TTLL11: variants seen among roughly 807,000 people sequenced by gnomAD.
The protein encoded by TTLL11 is tubulin polyglutamylase TTLL11.
In TTLL11, 42 loss-of-function variants were observed where a neutral mutation model predicts 51.7. The observed-to-expected ratio is 0.81, with a 90% CI of 0.64 to 1.05. TTLL11 has a LOEUF of 1.05. Among genes scored for constraint, TTLL11 ranks in the 50% least tolerant of loss-of-function variants. TTLL11 has a pLI of 0.00. For missense variants in TTLL11, 799 were observed against 940.4 expected (o/e 0.85, Z 1.97); for synonymous variants, 381 against 383.5 (o/e 0.99, Z 0.08).
At chr9:121,854,122 T>C (rs1837747879) in intron 8 of TTLL11, among the ~76,000 whole-genome samples, 1 of 152,166 alleles carries the variant, frequency 6.6e-6, no homozygotes, top group Non-Finnish European at 1.5e-5. Flanking sequence ...CTAACTTCCC[T>C]GAGGTTAGCT....
intron 4 of TTLL11, among the ~76,000 whole-genome samples, chr9:121,980,955 T>G (rs184867503): frequency 3.9e-5 from 6 of 152,364 alleles, no homozygotes; most frequent in Middle Eastern, 3.4e-3. Context: ...CTTTTCTTTC[T>G]GACTGCTTTT....
chr9:121,822,936 G>T lies in TTLL11; in HGVS notation c.1841-57C>A. 1 of 1,475,282 alleles carries T rather than the reference G, an allele frequency of 6.8e-7. No homozygotes were observed. Among genetic ancestry groups the T allele is most frequent in the Non-Finnish European group, 9.0e-7 (1 of 1,109,208 alleles). The allele number at this position is 1,475,282 out of a possible 1,614,324, so 91.4% of individuals were successfully genotyped here. A position where few individuals can be genotyped will look rare whatever the true frequency, so the allele number is the denominator to read the frequency against. On this transcript the variant is annotated intron_variant, in intron 8 of 8. Coordinates refer to ENST00000321582, the MANE Select transcript of TTLL11 (RefSeq NM_001139442.2). This position sits in a 1 kb window ranked among gnomAD's most constrained non-coding sequence, Gnocchi z 5.8. ...ACACAGCTGCCCTACGCTGCCCTGG[G>T]AAGGCCCACCTCCAGCCACAAGGAT...
intron 6 of TTLL11, among the ~76,000 whole-genome samples, chr9:121,961,501 G>A (rs187821525): frequency 2.2e-4 from 34 of 151,962 alleles, no homozygotes; most frequent in Middle Eastern, 3.4e-3. Flanking sequence ...ACCCCCAAGA[G>A]TCTCGCTCCA....
chr9:122,051,336 A>G (rs1845150295), intron 1 of TTLL11, among the ~76,000 whole-genome samples: 1 of 152,232 alleles, frequency 6.6e-6, no homozygotes, highest in Non-Finnish European at 1.5e-5. Context: ...AAATGAGCAC[A>G]TACAGCAGAG....
intron 6 of TTLL11, among the ~76,000 whole-genome samples, 168 bp from the exon 7 acceptor site, chr9:121,870,916 G>A (rs1427409977): frequency 6.6e-6 from 1 of 151,896 alleles, no homozygotes; most frequent in East Asian, 1.9e-4. Context: ...CTAGCACATA[G>A]CCAAGCCAGG....
At chr9:121,979,420 G>A (rs1275072771) in intron 4 of TTLL11, among the ~76,000 whole-genome samples, 1 of 152,156 alleles carries the variant, frequency 6.6e-6, no homozygotes, top group African/African-American at 2.4e-5. Flanking sequence ...AAGCTGTTAA[G>A]GTTTGGGGTA....
At chr9:122,040,710 C>G (rs1844825020) in intron 1 of TTLL11, among the ~76,000 whole-genome samples, 1 of 152,132 alleles carries the variant, frequency 6.6e-6, no homozygotes, top group African/African-American at 2.4e-5. Context: ...CCATACATTC[C>G]ACATTAAAAT....
At chr9:121,996,219 C>G (rs1266573881) in intron 3 of TTLL11, among the ~76,000 whole-genome samples, 1 of 152,150 alleles carries the variant, frequency 6.6e-6, no homozygotes, top group Non-Finnish European at 1.5e-5. Context: ...CTCCTGTCCT[C>G]TCTCACCTCT....
intron 6 of TTLL11, among the ~76,000 whole-genome samples, chr9:121,952,255 G>GGTCA (rs1246281223): frequency 2.6e-5 from 4 of 152,046 alleles, no homozygotes; most frequent in African/African-American, 9.7e-5. Context: ...GACCATCCTG[G>GGTCA]CTAACACAGT....
At chr9:121,887,088 A>G (rs1418865372) in intron 6 of TTLL11, among the ~76,000 whole-genome samples, 1 of 152,228 alleles carries the variant, frequency 6.6e-6, no homozygotes, top group Non-Finnish European at 1.5e-5. Context: ...CATCTGTTTC[A>G]GGAACAAGCC....
intron 3 of TTLL11, among the ~76,000 whole-genome samples, chr9:121,997,266 T>C (rs1054128836): frequency 6.6e-6 from 1 of 152,054 alleles, no homozygotes; most frequent in African/African-American, 2.4e-5. Flanking sequence ...AGACTCTCCA[T>C]TTTCCTCTCA....
intron 6 of TTLL11, among the ~76,000 whole-genome samples, chr9:121,900,533 T>G (rs1213048887): frequency 2.6e-5 from 4 of 152,200 alleles, no homozygotes; most frequent in Non-Finnish European, 4.4e-5. Context: ...TTCGTTTCTA[T>G]TCTCATTGGA....
chr9:121,943,838 C>T (rs1008106884), intron 6 of TTLL11, among the ~76,000 whole-genome samples: 1 of 152,196 alleles, frequency 6.6e-6, no homozygotes. Context: ...TGTAGGTTAG[C>T]CTTACAGGTC....
In TTLL11 at chr9:121,989,547, G is replaced by T. The variant is rs757827275; in HGVS notation, c.917C>A (p.Ser306Tyr). 2.5e-6 allele frequency: 4 copies of T among 1,614,034 alleles called. No homozygotes were observed. Among genetic ancestry groups the T allele is most frequent in the Non-Finnish European group, 3.4e-6 (4 of 1,180,044 alleles). ...FDIRLYVLLK[S>Y]LDPLEIYIAK... The stretch of plus-strand genomic sequence containing the variant: ...TATATAAATCTCTAAGGGGTCTAAG[G>T]ACTTGAGTAAGACATACAGACGAAT... The change falls in exon 4 of 9, where the codon TCC (serine) becomes TAC (tyrosine). Residue 306 changes from serine (S) to tyrosine (Y), a missense_variant. Transcript: ENST00000321582. The surrounding 1 kb of genome is among the most constrained non-coding windows in gnomAD (Gnocchi z 4.2).
chr9:122,035,073 G>C (rs1248916920), intron 2 of TTLL11, among the ~76,000 whole-genome samples: 1 of 152,210 alleles, frequency 6.6e-6, no homozygotes, highest in Non-Finnish European at 1.5e-5. Context: ...TGGAGCCTGA[G>C]TGGCTGCCTT....
intron 6 of TTLL11, among the ~76,000 whole-genome samples, chr9:121,905,420 C>T (rs879283941): frequency 1.3e-4 from 19 of 151,230 alleles, no homozygotes; most frequent in Non-Finnish European, 1.8e-4. Flanking sequence ...GGCACGAACT[C>T]GGCTCACTGC....
Position 121,991,545 on chromosome 9 carries a change from T to G in TTLL11, c.694-1775A>C, listed in dbSNP as rs1843113326. 2.0e-5 allele frequency among the ~76,000 whole-genome samples: 3 copies of G among 152,206 alleles called. No individual in the cohort carries two copies. The South Asian group carries it at 6.2e-4, about 31-fold the overall frequency. On this transcript the variant is annotated intron_variant, in intron 3 of 8. Coordinates refer to ENST00000321582, the MANE Select transcript of TTLL11 (RefSeq NM_001139442.2). ...CAAATGGCAGTTATGGACCAGGAAG[T>G]GAAAAATGTCAAGTTTGCACTGATG... is the stretch of plus-strand genomic sequence containing the variant.
chr9:122,080,548 G>A (rs1845978861), intron 1 of TTLL11, among the ~76,000 whole-genome samples: 1 of 151,826 alleles, frequency 6.6e-6, no homozygotes, highest in Non-Finnish European at 1.5e-5. Flanking sequence ...ACAAAAATTA[G>A]CTGGCATGGG....
chr9:121,967,180 G>A (rs554835357), intron 6 of TTLL11, among the ~76,000 whole-genome samples: 189 of 148,540 alleles, frequency 1.3e-3, no homozygotes, highest in South Asian at 3.0e-3. Context: ...GACACAGGCC[G>A]CTCCTCTGTC....
Sources: allele counts gnomAD v4.1 joint callset (sites outside exome capture counted in the v4.1 genomes callset), GRCh38; gene constraint gnomAD v4.1.1; non-coding constraint Gnocchi (gnomAD v3.1); transcripts MANE v1.5; gene names NCBI Gene and HGNC (gene_info 2026-07-23, HGNC 2026-07-21).